The following ABCB8 variants were observed in gnomAD, a reference collection of about 807,000 sequenced individuals.
The protein encoded by ABCB8 is mitochondrial potassium channel ATP-binding subunit.
Under a neutral mutation model 73.0 loss-of-function variants are expected in ABCB8, and 52 were observed. The observed-to-expected ratio is 0.71, with a 90% CI of 0.57 to 0.90. The LOEUF (loss-of-function observed/expected upper bound fraction) is 0.90. Ranked by LOEUF, ABCB8 falls within the 40% of genes least tolerant of loss-of-function variation. The pLI is 0.00. For synonymous variants in ABCB8, 428 were observed against 423.5 expected (o/e 1.01, Z -0.13); for missense variants, 909 against 974.6 (o/e 0.93, Z 0.90).
chr7:151,040,882 C>T lies in ABCB8; in HGVS notation c.1443C>T (p.Pro481=). ...EVLKDFTLTL[P]PGKIVALVGQ... ...TGAAAGACTTCACCCTGACGCTGCCCCCTGGCAAGATCGTGGCCCTCGTGG... is the reference window on the plus strand; with the variant it reads ...TGAAAGACTTCACCCTGACGCTGCCTCCTGGCAAGATCGTGGCCCTCGTGG... Residue 481 remains proline, a synonymous_variant, in exon 12 of 16, where the codon CCC becomes CCT. Transcript: ENST00000358849. The T allele has an allele frequency of 6.2e-7, 1 of 1,606,480 alleles. No individual in the cohort carries two copies. Among genetic ancestry groups the T allele is most frequent in the Non-Finnish European group, 8.5e-7 (1 of 1,176,798 alleles).
chr7:151,034,650 T>C (rs367793580), intron 4 of ABCB8, 51 bp downstream of exon 4: 104 of 1,612,322 alleles, frequency 6.5e-5, no homozygotes, highest in Middle Eastern at 5.0e-4. Flanking sequence ...GCCTGAGGGG[T>C]CTGGGGGTAG....
At chr7:151,038,716 GACAC>G (rs1398766797) in intron 9 of ABCB8, 1 of 152,066 alleles carries the variant, frequency 6.6e-6, no homozygotes, top group Middle Eastern at 3.2e-3. Flanking sequence ...GCAGCTTTAT[GACAC>G]ACACAAGAAC....
intron 14 of ABCB8, 61 bp downstream of exon 14, chr7:151,042,169 G>A: frequency 3.8e-6 from 6 of 1,596,788 alleles, no homozygotes; most frequent in South Asian, 1.1e-5. Context: ...GATTCCACAG[G>A]AGCAGTGAGC....
At chr7:151,044,759 A>G (rs1438960392) in intron 15 of ABCB8, among the ~76,000 whole-genome samples, 1 of 152,120 alleles carries the variant, frequency 6.6e-6, no homozygotes, top group East Asian at 1.9e-4. Flanking sequence ...CAAAAAGGAA[A>G]CATACTCAGA....
In ABCB8 at chr7:151,040,568, C is replaced by T. The variant is rs374359706; in HGVS notation, c.1322C>T (p.Ser441Phe). 4 of 1,613,396 alleles carry T rather than the reference C, an allele frequency of 2.5e-6. No homozygotes were observed. The highest frequency in any genetic ancestry group is 3.4e-6 in the Non-Finnish European group (4 of 1,179,944). The change falls in exon 11 of 16, where the codon TCT becomes TTT. Residue 441 changes from serine to phenylalanine, a missense_variant. Ser to Phe is a radical substitution (Grantham distance 155). Coordinates refer to ENST00000358849, the MANE Select transcript of ABCB8 (RefSeq NM_007188.5). ...GCCCTGAACCCCTGCATCCCACTGTCTGGGGGCTGCTGCGTCCCCAAAGAG... is the reference window on the plus strand; with the variant it reads ...GCCCTGAACCCCTGCATCCCACTGTTTGGGGGCTGCTGCGTCCCCAAAGAG... ...YMALNPCIPL[S>F]GGCCVPKEQL...
chr7:151,032,846 G>T (rs1378946161), intron 1 of ABCB8: 1 of 351,584 alleles, frequency 2.8e-6, no homozygotes, highest in Non-Finnish European at 5.7e-6. Flanking sequence ...TCCTTCAGCT[G>T]TGGAGAGGGA....
At chr7:151,028,947 A>C in intron 1 of ABCB8, 1 of 1,307,372 alleles carries the variant, frequency 7.6e-7, no homozygotes, top group Non-Finnish European at 1.0e-6. Flanking sequence ...TCTTATTAGT[A>C]TGAAGAGACA....
At chr7:151,036,831 C>T in intron 9 of ABCB8, 182 bp downstream of exon 9, 2 of 760,222 alleles carry the variant, frequency 2.6e-6, no homozygotes, top group Non-Finnish European at 2.4e-6. Context: ...CATAACAACC[C>T]TCCTGGCTGG....
At chr7:151,034,214 G>T (rs1455756374) in intron 2 of ABCB8, 59 bp from the exon 3 acceptor site, 3 of 1,542,998 alleles carry the variant, frequency 1.9e-6, no homozygotes, top group Admixed American at 3.5e-5. Flanking sequence ...TCTGGCTGGG[G>T]ATGGGGAGGA....
chr7:151,045,134 G>A, intron 15 of ABCB8, 75 bp from the exon 16 acceptor site: 1 of 1,428,978 alleles, frequency 7.0e-7, no homozygotes, highest in Non-Finnish European at 9.2e-7. Flanking sequence ...GGCTGATAGA[G>A]AGGCTCAGCT....
At position 151,041,331 on chromosome 7, in the gene ABCB8, C is replaced by T. The variant is rs1301789135; in HGVS notation, c.1617+99C>T. 4 of 1,411,516 alleles carry T rather than the reference C, an allele frequency of 2.8e-6. No homozygotes were observed. In the African/African-American group the frequency reaches 5.8e-5, roughly 20 times the overall value. The allele number at this position is 1,411,516 out of a possible 1,614,324, so 87.4% of individuals were successfully genotyped here. A position where few individuals can be genotyped will look rare whatever the true frequency, so the allele number is the denominator to read the frequency against. ...GTGCCTTTTCTTTCTTTCCCACCCT[C>T]ATCCTTGCTGCTCTCGGGAGACCCT... is the stretch of plus-strand genomic sequence containing the variant. On this transcript the variant is annotated intron_variant, in intron 13 of 15. Coordinates refer to ENST00000358849, the MANE Select transcript of ABCB8 (RefSeq NM_007188.5).
At chr7:151,028,925 T>G in intron 1 of ABCB8, 2 of 1,382,580 alleles carry the variant, frequency 1.4e-6, no homozygotes, top group South Asian at 1.2e-5. Context: ...ATTGCGCGAT[T>G]TGGACGAAAA....
chr7:151,035,987 A>C lies in ABCB8; in HGVS notation c.1013+20A>C. ...AGAGGAGTGAGTCCTGGGAGGGCGG[A>C]GCACAAAGCAGAGATGCCCCCCACA... On this transcript the variant is annotated intron_variant, in intron 7 of 15. Transcript: ENST00000358849. 6.2e-7 allele frequency: 1 copy of C among 1,613,590 alleles called. No individual in the cohort carries two copies. Among genetic ancestry groups the C allele is most frequent in the Non-Finnish European group, 8.5e-7 (1 of 1,179,964 alleles).
chr7:151,042,188 G>A (rs1206215649), intron 14 of ABCB8, 80 bp downstream of exon 14: 15 of 1,570,122 alleles, frequency 9.6e-6, no homozygotes, highest in African/African-American at 1.4e-5. Context: ...GCAGCCCAGT[G>A]GGACTGAGGG....
At position 151,040,544 on chromosome 7, in the gene ABCB8, C is replaced by T; in HGVS notation, c.1298C>T (p.Ala433Val). 6.2e-7 allele frequency: 1 copy of T among 1,613,486 alleles called. No homozygotes were observed. Among genetic ancestry groups the T allele is most frequent in the South Asian group, 1.1e-5 (1 of 91,076 alleles). Residue 433 changes from alanine (A) to valine (V), a missense_variant, in exon 11 of 16, where the codon GCC becomes GTC. Physicochemically the swap from Ala to Val is moderately conservative, Grantham distance 64. Transcript: ENST00000358849. The stretch of plus-strand genomic sequence containing the variant: ...GGTGCCCGGGTCTTTGAGTACATGG[C>T]CCTGAACCCCTGCATCCCACTGTCT... ...SAGARVFEYM[A>V]LNPCIPLSGG...
rs1411497491 is a variant in ABCB8, at chr7:151,046,702, G to C, written c.*1353G>C. The C allele has an allele frequency of 1.3e-5, 2 of 152,286 alleles. No individual in the cohort carries two copies. The highest frequency in any genetic ancestry group is 3.9e-4 in the East Asian group (2 of 5,194). The allele number at this position is 152,286 out of a possible 1,614,324, so 9.4% of individuals were successfully genotyped here. A position where few individuals can be genotyped will look rare whatever the true frequency, so the allele number is the denominator to read the frequency against. On this transcript the variant is annotated 3_prime_UTR_variant, in exon 16 of 16. Coordinates refer to ENST00000358849, the MANE Select transcript of ABCB8 (RefSeq NM_007188.5). ...GCATTCTGGATTTACCCTGTGTAAA[G>C]AAGGGTGGTACCCTCTTTCAGGGGT...
rs1465948254 is a variant in ABCB8, at chr7:151,036,637, A to G, written c.1205A>G (p.Gln402Arg). ...CTCATGTCCTTCCTGGTGGCCTCCC[A>G]GACAGTGCAAAGGTAAGTGGGGGCC... ...GDLMSFLVAS[Q>R]TVQRSMANLS... The change falls in exon 9 of 16, where the codon CAG (glutamine) becomes CGG (arginine). Residue 402 changes from glutamine to arginine, a missense_variant. Gln to Arg is a conservative substitution (Grantham distance 43). Coordinates refer to ENST00000358849, the MANE Select transcript of ABCB8 (RefSeq NM_007188.5). 1 of 1,610,118 alleles carries G rather than the reference A, an allele frequency of 6.2e-7. No homozygotes were observed. Among genetic ancestry groups the G allele is most frequent in the African/African-American group, 1.3e-5 (1 of 75,014 alleles).
At chr7:151,032,031 C>T (rs1228454870) in intron 1 of ABCB8, among the ~76,000 whole-genome samples, 2 of 152,182 alleles carry the variant, frequency 1.3e-5, no homozygotes, top group Non-Finnish European at 2.9e-5. Flanking sequence ...CTGCCCCTCC[C>T]GCAAGTCTCA....
chr7:151,031,494 A>C, intron 1 of ABCB8: 3 of 594,130 alleles, frequency 5.0e-6, no homozygotes, highest in Non-Finnish European at 8.2e-6. Flanking sequence ...AGAAAAGCTC[A>C]CACTACTCTT....
Sources: gnomAD v4.1 joint callset for allele counts (sites outside exome capture counted in the v4.1 genomes callset) on GRCh38, gnomAD v4.1.1 for gene constraint, MANE v1.5 for transcripts, NCBI Gene and HGNC (gene_info 2026-07-23, HGNC 2026-07-21) for gene names.